CCSER1: variants seen among roughly 807,000 people sequenced by gnomAD.
CCSER1 encodes coiled-coil serine rich protein 1, also known as serine-rich coiled-coil domain-containing protein 1.
A neutral mutation model predicts 82.0 loss-of-function variants in CCSER1; 41 were observed. The ratio of observed to expected loss-of-function variants is 0.50; its 90% confidence interval spans 0.39 to 0.65. The LOEUF (loss-of-function observed/expected upper bound fraction) is 0.65, where lower values mean the gene tolerates loss of function less well. Among genes scored for constraint, CCSER1 ranks in the 30% least tolerant of loss-of-function variants. The pLI is 0.00. For missense variants in CCSER1, 1,119 were observed against 1,064.2 expected (o/e 1.05, Z -0.72); for synonymous variants, 414 against 383.9 (o/e 1.08, Z -0.92).
At chr4:90,634,150 A>G (rs1579608359) in intron 6 of CCSER1, among the ~76,000 whole-genome samples, 1 of 151,634 alleles carries the variant, frequency 6.6e-6, no homozygotes, top group Non-Finnish European at 1.5e-5. Flanking sequence ...TATTCTCTTT[A>G]TCAAACAAAT....
intron 4 of CCSER1, among the ~76,000 whole-genome samples, chr4:90,460,331 A>AACAAACAAAC (rs1553917341): frequency 2.0e-5 from 3 of 146,642 alleles, no homozygotes; most frequent in African/African-American, 7.9e-5. Context: ...TCTCAAAAAA[A>AACAAACAAAC]AAAAAAAAAA....
intron 9 of CCSER1, among the ~76,000 whole-genome samples, chr4:90,997,036 T>C (rs1737559265): frequency 6.6e-6 from 1 of 152,182 alleles, no homozygotes; most frequent in South Asian, 2.1e-4. Flanking sequence ...TGCTGGACTC[T>C]ATGGTGTATT....
Position 91,170,534 on chromosome 4 carries a change from G to A in CCSER1, c.2217+84540G>A, listed in dbSNP as rs531812408. Among the ~76,000 whole-genome samples the A allele has an allele frequency of 5.3e-5, 8 of 152,272 alleles. No individual in the cohort carries two copies. The South Asian group carries it at 1.7e-3, about 32-fold the overall frequency. On this transcript the variant is annotated intron_variant, in intron 10 of 10. Transcript: ENST00000509176. Reference sequence around the variant, plus strand: ...GTGTGACTGGGTGTGAAATTTTCTTGAGGGTAATAGAACCCGATTCAAGGC... The same window carrying A: ...GTGTGACTGGGTGTGAAATTTTCTTAAGGGTAATAGAACCCGATTCAAGGC...
At chr4:90,846,917 G>A (rs761449253) in intron 8 of CCSER1, among the ~76,000 whole-genome samples, 10 of 152,188 alleles carry the variant, frequency 6.6e-5, no homozygotes, top group Non-Finnish European at 5.9e-5. Flanking sequence ...AAAGTGCTGG[G>A]ATTACAGGTG....
intron 8 of CCSER1, among the ~76,000 whole-genome samples, chr4:90,908,393 T>C (rs975195638): frequency 1.1e-4 from 16 of 152,062 alleles, no homozygotes; most frequent in African/African-American, 3.4e-4. Context: ...GTTGTGTTAA[T>C]ATGAGATGAA....
chr4:90,269,312 A>G (rs1427801381), intron 1 of CCSER1, among the ~76,000 whole-genome samples: 2 of 152,130 alleles, frequency 1.3e-5, no homozygotes, highest in African/African-American at 2.4e-5. Flanking sequence ...AACATTTAAT[A>G]TAATTGAAAT....
chr4:91,080,291 A>G (rs56009030), intron 9 of CCSER1, among the ~76,000 whole-genome samples: 45,630 of 152,114 alleles, frequency 0.3, 7,953 homozygotes, highest in East Asian at 0.45. Context: ...CTACATGGAA[A>G]CTGAACAACC....
At chr4:91,173,143 G>T (rs1732941826) in intron 10 of CCSER1, among the ~76,000 whole-genome samples, 1 of 152,170 alleles carries the variant, frequency 6.6e-6, no homozygotes, top group Admixed American at 6.5e-5. Flanking sequence ...CTATGTTTAA[G>T]AGCTATGCTA....
At chr4:90,237,568 A>G (rs942357015) in intron 1 of CCSER1, among the ~76,000 whole-genome samples, 3 of 152,210 alleles carry the variant, frequency 2.0e-5, no homozygotes, top group African/African-American at 7.2e-5. Context: ...CCATTCATAC[A>G]TCCTTAGAAA....
At chr4:90,751,673 G>A (rs534057237) in intron 7 of CCSER1, among the ~76,000 whole-genome samples, 11 of 152,078 alleles carry the variant, frequency 7.2e-5, no homozygotes, top group East Asian at 1.9e-4. Context: ...TGGTGTTGAC[G>A]TTGTTACATA....
intron 10 of CCSER1, among the ~76,000 whole-genome samples, chr4:91,521,948 C>T (rs1037867084): frequency 5.3e-5 from 8 of 152,128 alleles, no homozygotes; most frequent in Non-Finnish European, 8.8e-5. Flanking sequence ...GACATGAAGT[C>T]CTTGCCCATG....
At chr4:91,249,270 CTAT>C (rs1560542520) in intron 10 of CCSER1, among the ~76,000 whole-genome samples, 1 of 152,050 alleles carries the variant, frequency 6.6e-6, no homozygotes, top group Non-Finnish European at 1.5e-5. Context: ...TGTGACAGTA[CTAT>C]TATTTTAACC....
chr4:90,627,837 C>A lies in CCSER1; in HGVS notation c.1725-188C>A, dbSNP rs187534000. On this transcript the variant is annotated intron_variant, in intron 5 of 10. Transcript: ENST00000509176. ...CTACTAAGAATACAAGATCACGCCA[C>A]TGCACTCCAGCCTGGGGGACAGAGT... is the stretch of plus-strand genomic sequence containing the variant. Among the ~76,000 whole-genome samples the A allele has an allele frequency of 4.7e-3, 715 of 152,112 alleles. 5 individuals carry two copies. Among genetic ancestry groups the A allele is most frequent in the African/African-American group, 0.016 (650 of 41,498 alleles).
chr4:90,702,188 T>A (rs942464899), intron 6 of CCSER1, among the ~76,000 whole-genome samples: 4 of 152,320 alleles, frequency 2.6e-5, no homozygotes, highest in Middle Eastern at 3.4e-3. Flanking sequence ...CATGAAGGGC[T>A]GTTGAATTTT....
chr4:90,281,213 G>A (rs1019284918), intron 1 of CCSER1, among the ~76,000 whole-genome samples: 3 of 151,956 alleles, frequency 2.0e-5, no homozygotes, highest in African/African-American at 7.2e-5. Context: ...TAAACGCCAC[G>A]TGATCTCACT....
chr4:90,911,448 G>T, intron 8 of CCSER1: 1 of 375,862 alleles, frequency 2.7e-6, no homozygotes, highest in Non-Finnish European at 5.3e-6. Flanking sequence ...CAATCCCTAT[G>T]ATTCTCTCTG....
chr4:90,349,999 A>G (rs1743138869), intron 3 of CCSER1, among the ~76,000 whole-genome samples: 1 of 152,148 alleles, frequency 6.6e-6, no homozygotes, highest in African/African-American at 2.4e-5. Flanking sequence ...CTTTCATTGT[A>G]CTTTTAGCCC....
At chr4:90,299,914 A>T (rs117792307) in intron 1 of CCSER1, among the ~76,000 whole-genome samples, 3 of 152,138 alleles carry the variant, frequency 2.0e-5, no homozygotes, top group African/African-American at 7.2e-5. Context: ...TTTACATATT[A>T]TTAATTTTCT....
chr4:90,478,088 G>A (rs1765352308), intron 5 of CCSER1, among the ~76,000 whole-genome samples: 1 of 152,162 alleles, frequency 6.6e-6, no homozygotes, highest in East Asian at 1.9e-4. Flanking sequence ...TAGCAACACA[G>A]TGAAATTCTA....
Sources: gnomAD v4.1 joint callset for allele counts (sites outside exome capture counted in the v4.1 genomes callset) on GRCh38, gnomAD v4.1.1 for gene constraint, MANE v1.5 for transcripts, NCBI Gene and HGNC (gene_info 2026-07-23, HGNC 2026-07-21) for gene names.